CYP39A1: variants seen among roughly 807,000 people sequenced by gnomAD.
CYP39A1 encodes cytochrome P450 family 39 subfamily A member 1.
A neutral mutation model predicts 58.1 loss-of-function variants in CYP39A1; 49 were observed. The ratio of observed to expected loss-of-function variants is 0.84; its 90% CI spans 0.67 to 1.07. CYP39A1 has a LOEUF of 1.07. Among genes scored for constraint, CYP39A1 ranks in the 50% least tolerant of loss-of-function variants. The pLI is 0.00. For missense variants in CYP39A1, 531 were observed against 539.4 expected, an observed-to-expected ratio of 0.98 and a Z score of 0.16; for synonymous variants, 209 against 187.6, an observed-to-expected ratio of 1.11 and a Z score of -0.93.
In CYP39A1 at chr6:46,587,181, A is replaced by T; in HGVS notation, c.1162-16T>A. 2 of 1,545,552 alleles carry T rather than the reference A, an allele frequency of 1.3e-6. No individual in the cohort carries two copies. Among genetic ancestry groups the T allele is most frequent in the Non-Finnish European group, 8.9e-7 (1 of 1,125,630 alleles). Reference sequence around the variant, plus strand: ...TCCAACGTTCCTGTGGGAAGAAAACATTTTTTTTTCCAAATCAGCCTTATA... The same window carrying T: ...TCCAACGTTCCTGTGGGAAGAAAACTTTTTTTTTTCCAAATCAGCCTTATA... On this transcript the variant is annotated splice_polypyrimidine_tract_variant and intron_variant, in intron 9 of 11. Coordinates refer to ENST00000275016, the MANE Select transcript of CYP39A1 (RefSeq NM_016593.5).
At chr6:46,595,450 T>C (rs1773089511) in intron 8 of CYP39A1, among the ~76,000 whole-genome samples, 2 of 151,994 alleles carry the variant, frequency 1.3e-5, no homozygotes, top group Non-Finnish European at 1.5e-5. Context: ...TGAATGAAAC[T>C]AGAAAACATT....
chr6:46,553,654 G>C (rs1770524538), intron 11 of CYP39A1, 113 bp downstream of exon 11: 4 of 724,718 alleles, frequency 5.5e-6, no homozygotes, highest in Admixed American at 4.5e-5. Context: ...GTTAAGATCA[G>C]GCCTAAGTGA....
At chr6:46,611,715 TAAATA>T (rs1716594204) in intron 7 of CYP39A1, among the ~76,000 whole-genome samples, 1 of 152,106 alleles carries the variant, frequency 6.6e-6, no homozygotes, top group South Asian at 2.1e-4. Context: ...CAATACATGA[TAAATA>T]AAAGGGAGAG....
intron 10 of CYP39A1, among the ~76,000 whole-genome samples, chr6:46,571,270 T>A (rs1771572355): frequency 6.6e-6 from 1 of 152,138 alleles, no homozygotes; most frequent in Non-Finnish European, 1.5e-5. Context: ...AGTCCCATGT[T>A]TCCTTATTGA....
chr6:46,606,097 GT>G (rs968955561), intron 7 of CYP39A1, among the ~76,000 whole-genome samples: 8 of 152,052 alleles, frequency 5.3e-5, no homozygotes, highest in African/African-American at 1.9e-4. Context: ...TAATGGTGAA[GT>G]TCTTGACCTC....
chr6:46,619,304 T>G (rs1774818325), intron 7 of CYP39A1, among the ~76,000 whole-genome samples: 1 of 152,158 alleles, frequency 6.6e-6, no homozygotes, highest in Non-Finnish European at 1.5e-5. Flanking sequence ...CTTACATTTG[T>G]TCATTAAACT....
At chr6:46,599,692 A>C (rs1002752816) in intron 7 of CYP39A1, among the ~76,000 whole-genome samples, 1 of 152,140 alleles carries the variant, frequency 6.6e-6, no homozygotes, top group African/African-American at 2.4e-5. Context: ...GACTCAAACA[A>C]ACCCTTTTCT....
chr6:46,596,534 T>A (rs1367935552), intron 7 of CYP39A1, among the ~76,000 whole-genome samples: 4 of 152,022 alleles, frequency 2.6e-5, no homozygotes, highest in Admixed American at 2.6e-4. Context: ...CCATCCGGCC[T>A]TTTTCTTCTG....
chr6:46,643,021 C>A (rs528163838), intron 1 of CYP39A1, among the ~76,000 whole-genome samples: 4 of 152,252 alleles, frequency 2.6e-5, no homozygotes, highest in Non-Finnish European at 5.9e-5. Context: ...TACACTCTTG[C>A]CTTCTCTCTT....
intron 7 of CYP39A1, among the ~76,000 whole-genome samples, chr6:46,623,976 G>A (rs1007452368): frequency 1.9e-4 from 29 of 149,510 alleles, no homozygotes; most frequent in African/African-American, 6.3e-4. Flanking sequence ...AGTACTATTC[G>A]AAGGAGCATT....
intron 10 of CYP39A1, among the ~76,000 whole-genome samples, chr6:46,578,848 G>A (rs1771978607): frequency 6.6e-6 from 1 of 151,916 alleles, no homozygotes; most frequent in Non-Finnish European, 1.5e-5. Context: ...ATAGAAGGAT[G>A]CACAGCTGAA....
chr6:46,648,468 C>T (rs1762464835), intron 1 of CYP39A1, among the ~76,000 whole-genome samples: 1 of 130,368 alleles, frequency 7.7e-6, no homozygotes, highest in Admixed American at 9.7e-5. Context: ...ACAATGAGAA[C>T]ACTTGGACAC....
chr6:46,637,980 T>C lies in CYP39A1; in HGVS notation c.489-2A>G, dbSNP rs867125906. 5.0e-6 allele frequency: 8 copies of C among 1,592,658 alleles called. No homozygotes were observed. The highest frequency in any genetic ancestry group is 1.4e-5 in the African/African-American group (1 of 73,236). Reference sequence around the variant, plus strand: ...ACTGTGACTGGATAAAGGAGATGTCTACAAAGACAGAAACACACAAAAAGT... The same window carrying C: ...ACTGTGACTGGATAAAGGAGATGTCCACAAAGACAGAAACACACAAAAAGT... On this transcript the variant is annotated splice_acceptor_variant, in intron 3 of 11. Transcript: ENST00000275016. LOFTEE classifies it high-confidence loss of function.
chr6:46,625,677 A>G (rs945704450), intron 6 of CYP39A1, among the ~76,000 whole-genome samples, 169 bp from the exon 7 acceptor site: 9 of 152,074 alleles, frequency 5.9e-5, no homozygotes, highest in African/African-American at 2.2e-4. Context: ...TATTAATAAG[A>G]GATATGTAAT....
At chr6:46,652,161 A>G (rs546315953) in intron 1 of CYP39A1, among the ~76,000 whole-genome samples, 2 of 152,328 alleles carry the variant, frequency 1.3e-5, no homozygotes, top group Non-Finnish European at 2.9e-5. Context: ...AAAATACGAA[A>G]AGTTAATCTC....
intron 10 of CYP39A1, among the ~76,000 whole-genome samples, chr6:46,558,572 A>G (rs966664596): frequency 1.3e-5 from 2 of 152,206 alleles, no homozygotes; most frequent in Non-Finnish European, 2.9e-5. Flanking sequence ...GTGGGGACAC[A>G]GAGGCAAACT....
Position 46,636,334 on chromosome 6 carries a change from A to G in CYP39A1, c.732+55T>C, listed in dbSNP as rs1052551006. 5 of 1,327,202 alleles carry G rather than the reference A, an allele frequency of 3.8e-6. No homozygotes were observed. In the African/African-American group the frequency reaches 7.4e-5, roughly 20 times the overall value. The allele number at this position is 1,327,202 out of a possible 1,614,324, so 82.2% of individuals were successfully genotyped here. A position where few individuals can be genotyped will look rare whatever the true frequency, so the allele number is the denominator to read the frequency against. ...GTGTTTTAGCAAAATATATTTTAAC[A>G]ACAATAATTTATTACTATCTTTACA... On this transcript the variant is annotated intron_variant, in intron 5 of 11. Transcript: ENST00000275016.
intron 10 of CYP39A1, among the ~76,000 whole-genome samples, chr6:46,556,804 A>G (rs1458300154): frequency 6.6e-6 from 1 of 152,190 alleles, no homozygotes; most frequent in Non-Finnish European, 1.5e-5. Context: ...CCCAGTATCC[A>G]TGGCACTTAA....
chr6:46,586,929 C>G, intron 10 of CYP39A1, 148 bp downstream of exon 10: 1 of 642,968 alleles, frequency 1.6e-6, no homozygotes, highest in African/African-American at 1.8e-5. Context: ...CTGCACAGGA[C>G]CACAGATAAA....
Sources: allele counts gnomAD v4.1 joint callset (sites outside exome capture counted in the v4.1 genomes callset), GRCh38; gene constraint gnomAD v4.1.1; transcripts MANE v1.5; gene names NCBI Gene and HGNC (gene_info 2026-07-23, HGNC 2026-07-21).